Variants in RSPRY1 observed in about 807,000 individuals in gnomAD.
The protein encoded by RSPRY1 is ring finger and SPRY domain containing 1.
Under a neutral mutation model 73.1 loss-of-function variants are expected in RSPRY1, and 23 were observed. The ratio of observed to expected loss-of-function variants is 0.31; its 90% CI spans 0.23 to 0.45. The LOEUF is 0.45. Ranked by LOEUF, RSPRY1 falls within the 20% of genes least tolerant of loss-of-function variation. RSPRY1 has a pLI of 1.00. For synonymous variants in RSPRY1, 226 were observed against 251.4 expected (o/e 0.90, Z 0.95); for missense variants, 448 against 698.7 (o/e 0.64, Z 4.05).
At chr16:57,235,267 T>G (rs746418150) in intron 14 of RSPRY1, 39 bp downstream of exon 14, 2 of 1,411,974 alleles carry the variant, frequency 1.4e-6, no homozygotes, top group South Asian at 2.3e-5. Flanking sequence ...CATACTGTTC[T>G]TAAATTGCTA....
intron 4 of RSPRY1, among the ~76,000 whole-genome samples, chr16:57,210,528 C>T (rs1044359627): frequency 2.6e-5 from 4 of 151,636 alleles, no homozygotes; most frequent in Non-Finnish European, 5.9e-5. Context: ...CATGGTGAAA[C>T]CCCGTCTCTA....
intron 1 of RSPRY1, among the ~76,000 whole-genome samples, chr16:57,188,597 A>G (rs1276007958): frequency 2.0e-5 from 3 of 151,888 alleles, no homozygotes; most frequent in African/African-American, 7.3e-5. Flanking sequence ...GCTCACTGCA[A>G]CCTCCGCCTC....
chr16:57,202,904 A>ATATATATATATC (rs1484372029), intron 1 of RSPRY1, among the ~76,000 whole-genome samples: 1 of 141,886 alleles, frequency 7.0e-6, no homozygotes, highest in African/African-American at 2.5e-5. Flanking sequence ...ATATATATAT[A>ATATATATATATC]TATCTGAAGA....
chr16:57,209,014 A>T, intron 3 of RSPRY1, 61 bp from the exon 4 acceptor site: 1 of 1,110,148 alleles, frequency 9.0e-7, no homozygotes, highest in South Asian at 1.4e-5. Flanking sequence ...ATCTCGTGTG[A>T]CATATTTTCA....
chr16:57,239,050 C>G lies in RSPRY1; in HGVS notation c.*75C>G. ...GTTGAAAAGAAAAAGAAAAAAAAAA[C>G]TCTCTAATCAGTTGTACACACATTG... On this transcript the variant is annotated 3_prime_UTR_variant, in exon 15 of 15. Transcript: ENST00000394420. 1 of 421,754 alleles carries G rather than the reference C, an allele frequency of 2.4e-6. No homozygotes were observed. 26.1% of individuals were successfully genotyped at this position (421,754 alleles called of 1,614,324 possible). A position where few individuals can be genotyped will look rare whatever the true frequency, so the allele number is the denominator to read the frequency against.
At chr16:57,213,849 G>A (rs1307248467) in intron 5 of RSPRY1, 39 bp from the exon 6 acceptor site, 4 of 1,365,206 alleles carry the variant, frequency 2.9e-6, no homozygotes, top group Non-Finnish European at 4.2e-6. Flanking sequence ...AAATAATCTG[G>A]CATTTTAATT....
At position 57,212,799 on chromosome 16, in the gene RSPRY1, G is replaced by C. The variant is rs555334248; in HGVS notation, c.517-173G>C. On this transcript the variant is annotated intron_variant, in intron 4 of 14. Coordinates refer to ENST00000394420, the MANE Select transcript of RSPRY1 (RefSeq NM_133368.3). ...CTGGCTAATTTTTGTATTCTTAGTA[G>C]AGATGGGGTTTCACCATGTTGGCCA... 8.6e-4 allele frequency among the ~76,000 whole-genome samples: 131 copies of C among 152,200 alleles called. No individual in the cohort carries two copies. The highest frequency in any genetic ancestry group is 2.4e-3 in the Admixed American group (37 of 15,296).
intron 11 of RSPRY1, among the ~76,000 whole-genome samples, chr16:57,228,900 G>T (rs2075163524): frequency 6.6e-6 from 1 of 152,128 alleles, no homozygotes; most frequent in Non-Finnish European, 1.5e-5. Context: ...TTGCCATGTT[G>T]CCCTGGCTAG....
chr16:57,209,023 CA>C, intron 3 of RSPRY1, 51 bp from the exon 4 acceptor site: 1 of 1,233,316 alleles, frequency 8.1e-7, no homozygotes, highest in Non-Finnish European at 1.2e-6. Flanking sequence ...GACATATTTT[CA>C]CATTTTAAAA....
intron 10 of RSPRY1, among the ~76,000 whole-genome samples, chr16:57,224,210 G>A (rs995294268): frequency 4.6e-5 from 7 of 152,244 alleles, no homozygotes; most frequent in Admixed American, 2.0e-4. Context: ...CATTGCTGCT[G>A]GAAATCCATC....
chr16:57,213,758 T>C, intron 5 of RSPRY1, 130 bp from the exon 6 acceptor site: 2 of 724,876 alleles, frequency 2.8e-6, no homozygotes, highest in Non-Finnish European at 4.8e-6. Context: ...TACTATTTTC[T>C]ACCTCAGAGC....
intron 4 of RSPRY1, among the ~76,000 whole-genome samples, chr16:57,211,103 A>G (rs773676089): frequency 3.3e-5 from 5 of 152,194 alleles, no homozygotes; most frequent in East Asian, 1.9e-4. Flanking sequence ...CAATTTCCTC[A>G]TAACAAAAGT....
At chr16:57,231,899 A>G (rs942464096) in intron 13 of RSPRY1, among the ~76,000 whole-genome samples, 26 of 152,228 alleles carry the variant, frequency 1.7e-4, no homozygotes, top group Admixed American at 1.6e-3. Flanking sequence ...AAAAACTGTG[A>G]TTGGCATTAA....
At chr16:57,201,774 C>A (rs1294061824) in intron 1 of RSPRY1, among the ~76,000 whole-genome samples, 4 of 152,244 alleles carry the variant, frequency 2.6e-5, no homozygotes. Flanking sequence ...CCGGCCAACA[C>A]AGCGAAACCC....
chr16:57,229,453 T>C (rs1190032171), intron 11 of RSPRY1, among the ~76,000 whole-genome samples: 2 of 151,728 alleles, frequency 1.3e-5, no homozygotes, highest in South Asian at 2.1e-4. Flanking sequence ...CCCATCTCTA[T>C]AAAAAAATTT....
chr16:57,191,822 T>C (rs944944777), intron 1 of RSPRY1, among the ~76,000 whole-genome samples: 2 of 152,228 alleles, frequency 1.3e-5, no homozygotes, highest in Admixed American at 1.3e-4. Flanking sequence ...CAGAGGTACT[T>C]CAGTGTTACC....
At chr16:57,233,084 T>C (rs760032277) in intron 13 of RSPRY1, among the ~76,000 whole-genome samples, 1 of 152,228 alleles carries the variant, frequency 6.6e-6, no homozygotes, top group Non-Finnish European at 1.5e-5. Context: ...TATTCAGTGA[T>C]ACTTTATATT....
chr16:57,232,119 A>T (rs2075231415), intron 13 of RSPRY1, among the ~76,000 whole-genome samples: 2 of 152,196 alleles, frequency 1.3e-5, no homozygotes, highest in South Asian at 4.1e-4. Context: ...TCAGTAAGAG[A>T]GTCTCTCTCA....
chr16:57,194,064 T>TAAA (rs377064360), intron 1 of RSPRY1, among the ~76,000 whole-genome samples: 2 of 145,720 alleles, frequency 1.4e-5, no homozygotes, highest in African/African-American at 5.0e-5. Flanking sequence ...AGATTCCGTT[T>TAAA]AAAAAAAAAA....
Sources: gnomAD v4.1 joint callset for allele counts (sites outside exome capture counted in the v4.1 genomes callset) on GRCh38, gnomAD v4.1.1 for gene constraint, MANE v1.5 for transcripts, NCBI Gene and HGNC (gene_info 2026-07-23, HGNC 2026-07-21) for gene names.